OSTC: variants seen among roughly 807,000 people sequenced by gnomAD.
The protein encoded by OSTC is oligosaccharyltransferase complex non-catalytic subunit, also known as oligosaccharyltransferase complex subunit OSTC.
In OSTC, 16 loss-of-function variants were observed where a neutral mutation model predicts 16.4. That is an observed-to-expected ratio of 0.98 (90% CI 0.66 to 1.49). OSTC has a LOEUF of 1.49. Among genes scored for constraint, OSTC ranks in the 40% most tolerant of loss-of-function variants. The pLI is 0.00. For missense variants in OSTC, 139 were observed against 186.3 expected, an observed-to-expected ratio of 0.75 and a Z score of 1.48; for synonymous variants, 67 against 68.5, an observed-to-expected ratio of 0.98 and a Z score of 0.11.
chr4:108,658,089 A>G (rs1327247071), intron 3 of OSTC, among the ~76,000 whole-genome samples: 1 of 151,656 alleles, frequency 6.6e-6, no homozygotes, highest in African/African-American at 2.4e-5. Flanking sequence ...GCACCACAGC[A>G]CTCAGCTATT....
At chr4:108,666,746 G>A in intron 3 of OSTC, among the ~76,000 whole-genome samples, 1 of 145,432 alleles carries the variant, frequency 6.9e-6, no homozygotes, top group Non-Finnish European at 1.5e-5. Flanking sequence ...GGCTTCACGC[G>A]TGTAATCCCA....
At chr4:108,655,313 A>G (rs1196959763) in intron 1 of OSTC, among the ~76,000 whole-genome samples, 1 of 152,120 alleles carries the variant, frequency 6.6e-6, no homozygotes, top group Non-Finnish European at 1.5e-5. Flanking sequence ...TAAAAATACA[A>G]AAATTAGCTG....
In OSTC at chr4:108,667,328, T is replaced by A. The variant is rs1263880114; in HGVS notation, c.*63T>A. On this transcript the variant is annotated 3_prime_UTR_variant, in exon 4 of 4. Coordinates refer to ENST00000361564, the MANE Select transcript of OSTC (RefSeq NM_021227.4). ...CTCCTGTCAATGAAGTTTTAAAGGC[T>A]GTACCAATCCTCTAATATGAAATGT... 9 of 1,350,152 alleles carry A rather than the reference T, an allele frequency of 6.7e-6. No homozygotes were observed. The highest frequency in any genetic ancestry group is 9.4e-6 in the Non-Finnish European group (9 of 958,776). 83.6% of individuals were successfully genotyped at this position (1,350,152 alleles called of 1,614,324 possible). A position where few individuals can be genotyped will look rare whatever the true frequency, so the allele number is the denominator to read the frequency against.
At chr4:108,658,663 A>AT (rs1303528978) in intron 3 of OSTC, among the ~76,000 whole-genome samples, 16 of 152,196 alleles carry the variant, frequency 1.1e-4, no homozygotes, top group African/African-American at 2.9e-4. Flanking sequence ...TTGGGCAAGC[A>AT]TACCACAAAT....
intron 1 of OSTC, 140 bp downstream of exon 1, chr4:108,650,934 TG>T (rs1726518348): frequency 7.8e-7 from 1 of 1,275,474 alleles, no homozygotes; most frequent in African/African-American, 1.5e-5. Flanking sequence ...AGGGGAGTTC[TG>T]GGGTCCGAAG....
At chr4:108,657,294 C>T (rs935770797) in intron 2 of OSTC, among the ~76,000 whole-genome samples, 156 bp from the exon 3 acceptor site, 9 of 152,048 alleles carry the variant, frequency 5.9e-5, no homozygotes, top group Admixed American at 4.6e-4. Context: ...GTTGAATGGA[C>T]AGATGAATAT....
chr4:108,657,532 C>G lies in OSTC; in HGVS notation c.316C>G (p.Arg106Gly). Residue 106 changes from arginine (R) to glycine (G), a missense_variant, in exon 3 of 4, where the codon CGA becomes GGA. Arg to Gly is a moderately radical substitution (Grantham distance 125). Coordinates refer to ENST00000361564, the MANE Select transcript of OSTC (RefSeq NM_021227.4). Reference protein sequence around the residue: ...MGGLGFIILDRSNAPNIPKLN... With the variant: ...MGGLGFIILDGSNAPNIPKLN... ...AGGTTTAGGTTTCATAATCCTGGAC[C>G]GATCGAATGCACCAAATATCCCAAA... 4 of 1,613,472 alleles carry G rather than the reference C, an allele frequency of 2.5e-6. No homozygotes were observed. Among genetic ancestry groups the G allele is most frequent in the Non-Finnish European group, 3.4e-6 (4 of 1,179,522 alleles).
chr4:108,655,665 A>T lies in OSTC; in HGVS notation c.233+8A>T. ...AGCTTTCTTGGCCTACAGGTAAAAG[A>T]TACCTTTTTGAATGATTTGGTGGTG... On this transcript the variant is annotated splice_region_variant and intron_variant, in intron 2 of 3. Transcript: ENST00000361564. 1 of 1,580,136 alleles carries T rather than the reference A, an allele frequency of 6.3e-7. No homozygotes were observed. Among genetic ancestry groups the T allele is most frequent in the African/African-American group, 1.3e-5 (1 of 74,182 alleles).
intron 3 of OSTC, among the ~76,000 whole-genome samples, chr4:108,662,428 A>G (rs1481930948): frequency 6.6e-6 from 1 of 152,206 alleles, no homozygotes; most frequent in Non-Finnish European, 1.5e-5. Context: ...TATTTATTTG[A>G]TAACTGTTAC....
intron 3 of OSTC, among the ~76,000 whole-genome samples, chr4:108,662,835 C>G (rs1726892100): frequency 6.6e-6 from 1 of 152,126 alleles, no homozygotes; most frequent in African/African-American, 2.4e-5. Flanking sequence ...AAGCTGATAT[C>G]CGAGGTTCAT....
Position 108,657,583 on chromosome 4 carries a change from A to G in OSTC, c.367A>G (p.Ile123Val), listed in dbSNP as rs1226812031. ...ACTCAATAGATTCCTTCTTCTGTTC[A>G]TTGGATTCGTCTGTGTCCTATTGAG... ...PKLNRFLLLF[I>V]GFVCVLLSFF... Residue 123 changes from isoleucine to valine, a missense_variant, in exon 3 of 4, where the codon ATT becomes GTT. Transcript: ENST00000361564. The G allele has an allele frequency of 7.4e-6, 12 of 1,613,804 alleles. No individual in the cohort carries two copies. Among genetic ancestry groups the G allele is most frequent in the East Asian group, 6.7e-5 (3 of 44,844 alleles).
Position 108,655,602 on chromosome 4 carries a change from G to A in OSTC, c.178G>A (p.Gly60Ser), listed in dbSNP as rs772300395. ...TGTTATTGTTGAACCTCCAAGTGTCGGTTCTATGACTGATGAACATGGGCA... is the reference window on the plus strand; with the variant it reads ...TGTTATTGTTGAACCTCCAAGTGTCAGTTCTATGACTGATGAACATGGGCA... ...YDVIVEPPSV[G>S]SMTDEHGHQR... Residue 60 changes from glycine to serine, a missense_variant, in exon 2 of 4, where the codon GGT becomes AGT. Coordinates refer to ENST00000361564, the MANE Select transcript of OSTC (RefSeq NM_021227.4). 15 of 1,608,182 alleles carry A rather than the reference G, an allele frequency of 9.3e-6. No homozygotes were observed. The highest frequency in any genetic ancestry group is 5.5e-5 in the South Asian group (5 of 90,564).
chr4:108,650,843 C>T, intron 1 of OSTC, 49 bp downstream of exon 1: 2 of 1,611,424 alleles, frequency 1.2e-6, no homozygotes, highest in South Asian at 1.1e-5. Context: ...AGAACTGACC[C>T]GCCCCGGGAG....
At chr4:108,657,035 C>T (rs1420597816) in intron 2 of OSTC, among the ~76,000 whole-genome samples, 2 of 151,424 alleles carry the variant, frequency 1.3e-5, no homozygotes, top group Non-Finnish European at 2.9e-5. Flanking sequence ...CCACAGCACT[C>T]CAGCCTGGGC....
intron 1 of OSTC, chr4:108,651,445 TA>T (rs1291812934): frequency 6.6e-6 from 1 of 152,318 alleles, no homozygotes; most frequent in East Asian, 1.9e-4. Context: ...AGTTGAGAAT[TA>T]AAAAAATAAG....
At chr4:108,665,564 T>TTC (rs61523222) in intron 3 of OSTC, among the ~76,000 whole-genome samples, 2 of 7,484 alleles carry the variant, frequency 2.7e-4, no homozygotes, top group Non-Finnish European at 6.0e-4. Flanking sequence ...TGTTTTTTCT[T>TTC]TTTTTTTTTT....
intron 3 of OSTC, among the ~76,000 whole-genome samples, chr4:108,660,394 T>A (rs1316149619): frequency 6.6e-6 from 1 of 152,214 alleles, no homozygotes; most frequent in East Asian, 1.9e-4. Flanking sequence ...CAATGGACAG[T>A]TTTATATAAG....
chr4:108,664,858 C>G (rs1393190552), intron 3 of OSTC, among the ~76,000 whole-genome samples: 1 of 152,158 alleles, frequency 6.6e-6, no homozygotes, highest in Non-Finnish European at 1.5e-5. Flanking sequence ...TCCCAAAGTG[C>G]TGGGATTACA....
At chr4:108,651,968 C>T (rs998817658) in intron 1 of OSTC, among the ~76,000 whole-genome samples, 2 of 152,178 alleles carry the variant, frequency 1.3e-5, no homozygotes, top group African/African-American at 4.8e-5. Context: ...ATTTGAGTTA[C>T]ATTTAAATAC....
Sources: gnomAD v4.1 joint callset for allele counts (sites outside exome capture counted in the v4.1 genomes callset) on GRCh38, gnomAD v4.1.1 for gene constraint, MANE v1.5 for transcripts, NCBI Gene and HGNC (gene_info 2026-07-23, HGNC 2026-07-21) for gene names.